ACSM1: variants seen among roughly 807,000 people sequenced by gnomAD.
The protein encoded by ACSM1 is acyl-CoA synthetase medium chain family member 1, also known as acyl-coenzyme A synthetase ACSM1, mitochondrial.
A neutral mutation model predicts 75.8 loss-of-function variants in ACSM1; 79 were observed. The ratio of observed to expected loss-of-function variants is 1.04; its 90% confidence interval spans 0.87 to 1.26. The LOEUF is 1.26. ACSM1 is among the 50% of genes most tolerant of loss of function. ACSM1 has a pLI of 0.00. For missense variants in ACSM1, 676 were observed against 720.1 expected, an observed-to-expected ratio of 0.94 and a Z score of 0.70; for synonymous variants, 279 against 265.8, an observed-to-expected ratio of 1.05 and a Z score of -0.48.
intron 7 of ACSM1, among the ~76,000 whole-genome samples, chr16:20,652,083 A>C (rs1427117695): frequency 6.6e-6 from 1 of 152,176 alleles, no homozygotes; most frequent in Non-Finnish European, 1.5e-5. Context: ...CATAAGTTTT[A>C]TTACTTAAGT....
intron 7 of ACSM1, among the ~76,000 whole-genome samples, chr16:20,641,234 A>G (rs1426065322): frequency 6.6e-6 from 1 of 152,208 alleles, no homozygotes; most frequent in African/African-American, 2.4e-5. Context: ...TCTTTGACAT[A>G]TTTTGAAATG....
intron 10 of ACSM1, among the ~76,000 whole-genome samples, chr16:20,628,272 T>A (rs1246982033): frequency 6.6e-6 from 1 of 152,154 alleles, no homozygotes; most frequent in Admixed American, 6.5e-5. Context: ...CTTGATACAA[T>A]CCACCAGTCT....
intron 4 of ACSM1, among the ~76,000 whole-genome samples, chr16:20,676,472 G>A (rs2020284120): frequency 6.6e-6 from 1 of 152,184 alleles, no homozygotes; most frequent in Admixed American, 6.5e-5. Context: ...ATCAGTGCAT[G>A]GTGGACACAG....
At chr16:20,667,997 A>C (rs1390305651) in intron 6 of ACSM1, among the ~76,000 whole-genome samples, 1 of 152,162 alleles carries the variant, frequency 6.6e-6, no homozygotes, top group Non-Finnish European at 1.5e-5. Context: ...GCTGGGGATA[A>C]CAATAGACAC....
In ACSM1 at chr16:20,697,404, G is replaced by T. The variant is rs537166207; in HGVS notation, c.-52+232C>A. ...AGTCCCCATTTACATGCCAGCCACTGTGCTAAACATATTACATGTACGTTC... is the reference window on the plus strand; with the variant it reads ...AGTCCCCATTTACATGCCAGCCACTTTGCTAAACATATTACATGTACGTTC... On this transcript the variant is annotated intron_variant, in intron 1 of 13. Transcript: ENST00000520010. 2.0e-5 allele frequency among the ~76,000 whole-genome samples: 3 copies of T among 152,232 alleles called. No individual in the cohort carries two copies. In the South Asian group the frequency reaches 6.2e-4, roughly 32 times the overall value.
intron 5 of ACSM1, among the ~76,000 whole-genome samples, chr16:20,670,568 T>C (rs2019842439): frequency 1.3e-5 from 2 of 152,188 alleles, no homozygotes; most frequent in Admixed American, 1.3e-4. Flanking sequence ...CTCCCCGTTG[T>C]TTTCCTAATA....
chr16:20,670,070 C>T (rs2152270282), intron 5 of ACSM1, 84 bp from the exon 6 acceptor site: 4 of 1,365,816 alleles, frequency 2.9e-6, no homozygotes, highest in Non-Finnish European at 4.1e-6. Context: ...TAGCTACGAA[C>T]CCACCTTTCT....
chr16:20,630,121 GT>G (rs200287528), intron 10 of ACSM1, among the ~76,000 whole-genome samples: 12,374 of 140,300 alleles, frequency 0.088, 526 homozygotes, highest in East Asian at 0.21. Context: ...GAAAAAACTT[GT>G]TTTTTTTTTT....
In ACSM1 at chr16:20,625,599, C is replaced by T. The variant is rs2016877060; in HGVS notation, c.1428-77G>A. ...CCCCAGATCTCCTGCTTTGGAGTCA[C>T]AGCTTCCTTTGGCACAGAGGGTGGA... On this transcript the variant is annotated intron_variant, in intron 11 of 13. Coordinates refer to ENST00000520010, the MANE Select transcript of ACSM1 (RefSeq NM_001318890.3). The T allele has an allele frequency of 2.2e-6, 3 of 1,363,114 alleles. 1 individual carries two copies. Among genetic ancestry groups the T allele is most frequent in the South Asian group, 2.5e-5 (2 of 79,336 alleles). 84.4% of individuals were successfully genotyped at this position (1,363,114 alleles called of 1,614,324 possible). A position where few individuals can be genotyped will look rare whatever the true frequency, so the allele number is the denominator to read the frequency against.
At chr16:20,691,785 GTGTGT>G (rs1432710685) in intron 1 of ACSM1, among the ~76,000 whole-genome samples, 2 of 150,692 alleles carry the variant, frequency 1.3e-5, no homozygotes, top group Admixed American at 6.6e-5. Context: ...GTGTGTGTGT[GTGTGT>G]GTGTGTGTGT....
Position 20,685,310 on chromosome 16 carries a change from G to T in ACSM1, c.286C>A (p.Arg96Ser). The T allele has an allele frequency of 6.2e-7, 1 of 1,614,150 alleles. No homozygotes were observed. The highest frequency in any genetic ancestry group is 1.7e-5 in the Admixed American group (1 of 60,020). Reference protein sequence around the residue: ...WSFREMGDLTRRVANVFTQTC... With the variant: ...WSFREMGDLTSRVANVFTQTC... ...TGTGTGAAGACGTTGGCTACACGGC[G>T]GGTTAGGTCTCCCATCTCTCTGAAG... The change falls in exon 3 of 14, where the codon CGC (arginine) becomes AGC (serine). Residue 96 changes from arginine to serine, a missense_variant. By Grantham distance (110) the Arg-to-Ser change is moderately radical. Coordinates refer to ENST00000520010, the MANE Select transcript of ACSM1 (RefSeq NM_001318890.3).
At chr16:20,660,691 CA>C (rs2152255783) in intron 7 of ACSM1, among the ~76,000 whole-genome samples, 1 of 152,252 alleles carries the variant, frequency 6.6e-6, no homozygotes, top group Non-Finnish European at 1.5e-5. Context: ...TCTGTAAGGG[CA>C]ATCATTAAAC....
chr16:20,682,430 T>C lies in ACSM1; in HGVS notation c.437A>G (p.Lys146Arg). ...IIFIPATILLKAKDILYRLQL... is the reference protein window; with the variant it reads ...IIFIPATILLRAKDILYRLQL... ...TAGTCGATAGAGAATGTCTTTGGCCTTCAACAGGATGGTCGCAGGAATGAA... is the reference window on the plus strand; with the variant it reads ...TAGTCGATAGAGAATGTCTTTGGCCCTCAACAGGATGGTCGCAGGAATGAA... Residue 146 changes from lysine (K) to arginine (R), a missense_variant, in exon 4 of 14, where the codon AAG becomes AGG. Coordinates refer to ENST00000520010, the MANE Select transcript of ACSM1 (RefSeq NM_001318890.3). 6.2e-7 allele frequency: 1 copy of C among 1,613,726 alleles called. No individual in the cohort carries two copies. The highest frequency in any genetic ancestry group is 8.5e-7 in the Non-Finnish European group (1 of 1,179,776).
chr16:20,644,227 C>A (rs2018234328), intron 7 of ACSM1, among the ~76,000 whole-genome samples: 1 of 152,178 alleles, frequency 6.6e-6, no homozygotes, highest in African/African-American at 2.4e-5. Flanking sequence ...TCTGTAGCAG[C>A]AACTGCTTCG....
chr16:20,671,587 G>A lies in ACSM1; in HGVS notation c.696C>T (p.Phe232=), dbSNP rs978102884. ...VIFFTSGTTG[F]PKMAKHSHGL... is the part of the protein sequence containing the mutation. ...CATGGGAGTGTTTTGCCATCTTGGG[G>A]AAGCCTGTGGTCCCACTGGTGAAGA... Residue 232 remains phenylalanine, a synonymous_variant, in exon 5 of 14, where the codon TTC becomes TTT. Transcript: ENST00000520010. 3 of 1,613,876 alleles carry A rather than the reference G, an allele frequency of 1.9e-6. No homozygotes were observed. The highest frequency in any genetic ancestry group is 2.5e-6 in the Non-Finnish European group (3 of 1,179,884).
At chr16:20,685,084 G>C (rs2079522349) in intron 3 of ACSM1, 109 bp downstream of exon 3, 3 of 1,161,498 alleles carry the variant, frequency 2.6e-6, no homozygotes, top group Admixed American at 1.9e-5. Context: ...TGGGGCGAAG[G>C]CTTCAAAGCT....
chr16:20,685,431 T>C (rs909276739), intron 2 of ACSM1, 28 bp from the exon 3 acceptor site: 21 of 1,610,266 alleles, frequency 1.3e-5, no homozygotes, highest in Non-Finnish European at 1.8e-5. Context: ...TTATGTGTTA[T>C]TTTCTGCTTC....
chr16:20,681,460 C>A (rs1477505630), intron 4 of ACSM1: 1 of 152,170 alleles, frequency 6.6e-6, no homozygotes, highest in African/African-American at 2.4e-5. Flanking sequence ...GGTTCTCAAC[C>A]TTTGGAGGAT....
At chr16:20,670,168 G>A (rs569318568) in intron 5 of ACSM1, among the ~76,000 whole-genome samples, 182 bp from the exon 6 acceptor site, 8 of 152,198 alleles carry the variant, frequency 5.3e-5, no homozygotes, top group East Asian at 1.9e-4. Flanking sequence ...TCCCAATTAC[G>A]TACAACTGAA....
Sources: gnomAD v4.1 joint callset for allele counts (sites outside exome capture counted in the v4.1 genomes callset) on GRCh38, gnomAD v4.1.1 for gene constraint, MANE v1.5 for transcripts, NCBI Gene and HGNC (gene_info 2026-07-23, HGNC 2026-07-21) for gene names.